Variants in PDE1A observed in about 807,000 individuals in gnomAD.
PDE1A encodes phosphodiesterase 1A.
A neutral mutation model predicts 61.7 loss-of-function variants in PDE1A; 35 were observed. The observed-to-expected ratio is 0.57, with a 90% CI of 0.43 to 0.75. PDE1A has a LOEUF of 0.75. Among genes scored for constraint, PDE1A ranks in the 30% least tolerant of loss-of-function variants. PDE1A has a pLI of 0.00. For missense variants in PDE1A, 597 were observed against 630.6 expected (o/e 0.95, Z 0.57); for synonymous variants, 232 against 213.2 (o/e 1.09, Z -0.77).
rs185546888 is a variant in PDE1A at position 182,302,919 on chromosome 2, C to A, written c.54-38505G>T. The stretch of plus-strand genomic sequence containing the variant: ...CAAGGAACCACTTTCTTTGCTCACG[C>A]ATAAGAAGCAACTCTTCATCCACTT... On this transcript the variant is annotated intron_variant, in intron 1 of 13. Coordinates refer to ENST00000351439, the Ensembl canonical transcript of PDE1A. Among the ~76,000 whole-genome samples the A allele has an allele frequency of 2.0e-5, 3 of 152,318 alleles. No homozygotes were observed. In the East Asian group the frequency reaches 5.8e-4, roughly 29 times the overall value.
the PDE1A span, among the ~76,000 whole-genome samples, chr2:182,627,326 AT>A: frequency 0.011 from 1,213 of 112,102 alleles, 8 homozygotes; most frequent in Middle Eastern, 0.027. Context: ...TATATTATAT[AT>A]ATAAATTTAT....
chr2:182,597,455 C>A, the PDE1A span, among the ~76,000 whole-genome samples: 2 of 152,094 alleles, frequency 1.3e-5, no homozygotes, highest in Admixed American at 1.3e-4. Context: ...CCAGCGCTTG[C>A]AGGCTATTGC....
intron 1 of PDE1A, among the ~76,000 whole-genome samples, chr2:182,413,001 G>C (rs1459518055): frequency 1.3e-5 from 2 of 152,172 alleles, no homozygotes; most frequent in South Asian, 4.1e-4. Flanking sequence ...AAGCATGGAC[G>C]AGGACAGAGA....
At chr2:182,601,596 G>C in the PDE1A span, among the ~76,000 whole-genome samples, 5 of 152,346 alleles carry the variant, frequency 3.3e-5, no homozygotes. Flanking sequence ...AATGGAGGGT[G>C]AGCAAGATGA....
chr2:182,291,268 T>C (rs1479877396), intron 1 of PDE1A, among the ~76,000 whole-genome samples: 1 of 152,120 alleles, frequency 6.6e-6, no homozygotes, highest in South Asian at 2.1e-4. Context: ...AGTCTTCCTA[T>C]TGCCTTCAGA....
chr2:182,642,840 C>G, the PDE1A span, among the ~76,000 whole-genome samples: 93,590 of 151,936 alleles, frequency 0.62, 29,059 homozygotes, highest in Admixed American at 0.71. Flanking sequence ...CTGAAAATTG[C>G]GTCTTCCAGT....
At chr2:182,262,237 TTTC>T (rs1692277638) in intron 2 of PDE1A, among the ~76,000 whole-genome samples, 1 of 148,904 alleles carries the variant, frequency 6.7e-6, no homozygotes, top group South Asian at 2.1e-4. Flanking sequence ...TCTCTCTTTC[TTTC>T]TTCTTTTTTT....
At chr2:182,556,685 G>T in the PDE1A span, among the ~76,000 whole-genome samples, 4 of 152,046 alleles carry the variant, frequency 2.6e-5, no homozygotes, top group African/African-American at 9.7e-5. Flanking sequence ...TGAATGCACT[G>T]CCCTAATTTT....
At chr2:182,168,385 G>T (rs981359519) in intron 13 of PDE1A, 5 of 1,148,296 alleles carry the variant, frequency 4.4e-6, no homozygotes, top group Non-Finnish European at 6.0e-6. Flanking sequence ...AATCAGCCAT[G>T]ATTGTAAAAA....
chr2:182,432,423 C>CTGT (rs10649015), intron 2 of PDE1A, among the ~76,000 whole-genome samples: 41,779 of 150,840 alleles, frequency 0.28, 6,486 homozygotes, highest in African/African-American at 0.45. Context: ...TTGAGCTTTG[C>CTGT]TGTTGTTGTT....
At chr2:182,395,630 C>G (rs1240387185) in intron 1 of PDE1A, among the ~76,000 whole-genome samples, 1 of 152,120 alleles carries the variant, frequency 6.6e-6, no homozygotes, top group Non-Finnish European at 1.5e-5. Context: ...CTGAAGTGTG[C>G]CAATTTTGAG....
At chr2:182,264,232 G>T in intron 2 of PDE1A, 69 bp downstream of exon 2, 1 of 982,520 alleles carries the variant, frequency 1.0e-6, no homozygotes, top group African/African-American at 1.6e-5. Flanking sequence ...AGATAAAGGA[G>T]GGTCAAGAAA....
chr2:182,570,058 G>A, the PDE1A span, among the ~76,000 whole-genome samples: 1 of 152,150 alleles, frequency 6.6e-6, no homozygotes, highest in African/African-American at 2.4e-5. Context: ...CAGAGACCAT[G>A]CCTTTTGCTT....
intron 10 of PDE1A, among the ~76,000 whole-genome samples, chr2:182,196,869 A>T (rs1388991151): frequency 6.6e-6 from 1 of 151,786 alleles, no homozygotes; most frequent in Non-Finnish European, 1.5e-5. Context: ...TTTTTTAAGT[A>T]GTAGTATAAT....
chr2:182,323,764 C>T (rs73043536), intron 1 of PDE1A, among the ~76,000 whole-genome samples: 7,428 of 152,158 alleles, frequency 0.049, 590 homozygotes, highest in African/African-American at 0.17. Flanking sequence ...TTACATCTCA[C>T]GAACTCTGAG....
chr2:182,395,616 C>T (rs761585908), intron 1 of PDE1A, among the ~76,000 whole-genome samples: 3 of 152,102 alleles, frequency 2.0e-5, no homozygotes, highest in Non-Finnish European at 2.9e-5. Flanking sequence ...ATTTACTGAG[C>T]GACCTGAAGT....
the PDE1A span, among the ~76,000 whole-genome samples, chr2:182,634,706 A>G: frequency 6.6e-6 from 1 of 152,218 alleles, no homozygotes. Flanking sequence ...ACAAGTTTCT[A>G]ATGTGAAGAC....
chr2:182,643,006 G>C, the PDE1A span, among the ~76,000 whole-genome samples: 1 of 152,158 alleles, frequency 6.6e-6, no homozygotes, highest in African/African-American at 2.4e-5. Context: ...AGGTTACAAG[G>C]AGACCTGATG....
chr2:182,503,379 T>C (rs887309378), intron 2 of PDE1A, among the ~76,000 whole-genome samples: 3 of 152,200 alleles, frequency 2.0e-5, no homozygotes, highest in Non-Finnish European at 4.4e-5. Flanking sequence ...CCCACCCTGA[T>C]GCTCCTAAGG....
Sources: gnomAD v4.1 joint callset for allele counts (sites outside exome capture counted in the v4.1 genomes callset) on GRCh38, gnomAD v4.1.1 for gene constraint, MANE v1.5 for transcripts, NCBI Gene and HGNC (gene_info 2026-07-23, HGNC 2026-07-21) for gene names.